The following CD2AP variants were observed in gnomAD, a reference collection of about 807,000 sequenced individuals.
The protein encoded by CD2AP is CD2 associated protein.
A neutral mutation model predicts 85.1 loss-of-function variants in CD2AP; 46 were observed. The observed-to-expected ratio is 0.54, with a 90% CI of 0.43 to 0.69. The LOEUF is 0.69. Ranked by LOEUF, CD2AP falls within the 30% of genes least tolerant of loss-of-function variation. The pLI is 0.00. For missense variants in CD2AP, 769 were observed against 729.5 expected (o/e 1.05, Z -0.62); for synonymous variants, 255 against 252.9 (o/e 1.01, Z -0.08).
At chr6:47,523,766 C>T (rs907217040) in intron 2 of CD2AP, among the ~76,000 whole-genome samples, 2 of 152,096 alleles carry the variant, frequency 1.3e-5, no homozygotes, top group Admixed American at 1.3e-4. Context: ...AGTGTACTCG[C>T]ATAGCATATG....
chr6:47,533,693 G>A lies in CD2AP; in HGVS notation c.257G>A (p.Ser86Asn). 6.2e-7 allele frequency: 1 copy of A among 1,614,070 alleles called. No homozygotes were observed. The highest frequency in any genetic ancestry group is 8.5e-7 in the Non-Finnish European group (1 of 1,179,994). The change falls in exon 3 of 18, where the codon AGC becomes AAC. Residue 86 changes from serine (S) to asparagine (N), a missense_variant. Coordinates refer to ENST00000359314, the MANE Select transcript of CD2AP (RefSeq NM_012120.3). ...GTAGCAAGTCTTGTACAACGAATAA[G>A]CACCTATGGACTTCCAGCTGGAGGA... ...GNVASLVQRI[S>N]TYGLPAGGIQ...
In CD2AP at chr6:47,627,094, C is replaced by T. The variant is rs1462118149; in HGVS notation, c.*2867C>T. 1 of 152,324 alleles carries T rather than the reference C, an allele frequency of 6.6e-6. No individual in the cohort carries two copies. Among genetic ancestry groups the T allele is most frequent in the African/African-American group, 2.4e-5 (1 of 41,418 alleles). 9.4% of individuals were successfully genotyped at this position (152,324 alleles called of 1,614,324 possible). On this transcript the variant is annotated 3_prime_UTR_variant, in exon 18 of 18. Transcript: ENST00000359314. ...TGTTTACAGGTGCTGTATTTAAAAG[C>T]ATGCTTCTCTCTCAAAAAGAAAAAT...
rs535059637 is a variant in CD2AP, at chr6:47,520,091, A to AT, written c.166-13499dup. Among the ~76,000 whole-genome samples, 855 of 145,746 alleles carry AT rather than the reference A, an allele frequency of 5.9e-3. 3 individuals carry two copies. Among genetic ancestry groups the AT allele is most frequent in the South Asian group, 0.016 (73 of 4,630 alleles). ...TTTAGAAAAATGACCTGTGGAAATG[A>AT]TTTTTTTTTTTTGTTGAGTCCTTTG... On this transcript the variant is annotated intron_variant, in intron 2 of 17. Coordinates refer to ENST00000359314, the MANE Select transcript of CD2AP (RefSeq NM_012120.3).
At chr6:47,535,272 G>A (rs1767003889) in intron 3 of CD2AP, among the ~76,000 whole-genome samples, 1 of 152,176 alleles carries the variant, frequency 6.6e-6, no homozygotes, top group Non-Finnish European at 1.5e-5. Context: ...TGGGTTAATA[G>A]TTAATGAATA....
chr6:47,606,678 T>C (rs1027406928), intron 14 of CD2AP, among the ~76,000 whole-genome samples: 2 of 152,064 alleles, frequency 1.3e-5, no homozygotes, highest in African/African-American at 4.8e-5. Context: ...ATTTTTAAAA[T>C]TAACTTCAGC....
At chr6:47,513,002 TTAG>T (rs200813397) in intron 2 of CD2AP, among the ~76,000 whole-genome samples, 1,678 of 152,330 alleles carry the variant, frequency 0.011, 26 homozygotes, top group Non-Finnish European at 0.016. Context: ...TTATAGGTAA[TTAG>T]TAGAGAGAAA....
Position 47,627,219 on chromosome 6 carries a change from A to G in CD2AP, c.*2992A>G, listed in dbSNP as rs574127575. On this transcript the variant is annotated 3_prime_UTR_variant, in exon 18 of 18. Transcript: ENST00000359314. Reference sequence around the variant, plus strand: ...AGTATGATGAAAATTATATTACTTCAATTTCCAAATACAAGAATAAATAGT... The same window carrying G: ...AGTATGATGAAAATTATATTACTTCGATTTCCAAATACAAGAATAAATAGT... 14 of 152,416 alleles carry G rather than the reference A, an allele frequency of 9.2e-5. No homozygotes were observed. The highest frequency in any genetic ancestry group is 3.4e-3 in the Middle Eastern group (1 of 294). The allele number at this position is 152,416 out of a possible 1,614,324, so 9.4% of individuals were successfully genotyped here. A position where few individuals can be genotyped will look rare whatever the true frequency, so the allele number is the denominator to read the frequency against.
At chr6:47,484,085 T>C (rs1765509733) in intron 1 of CD2AP, among the ~76,000 whole-genome samples, 1 of 152,162 alleles carries the variant, frequency 6.6e-6, no homozygotes, top group South Asian at 2.1e-4. Context: ...TTTTTGGTAA[T>C]GTGTACCTGT....
In CD2AP at chr6:47,624,321, T is replaced by A; in HGVS notation, c.*94T>A. 2.1e-6 allele frequency: 2 copies of A among 951,618 alleles called. No individual in the cohort carries two copies. The highest frequency in any genetic ancestry group is 4.8e-5 in the East Asian group (2 of 41,312). The allele number at this position is 951,618 out of a possible 1,614,324, so 58.9% of individuals were successfully genotyped here. A position where few individuals can be genotyped will look rare whatever the true frequency, so the allele number is the denominator to read the frequency against. ...GTTACTTAAAAATTGTGAATTCTGTTGTTGTGATAAATATGAGCAAATGAA... is the reference window on the plus strand; with the variant it reads ...GTTACTTAAAAATTGTGAATTCTGTAGTTGTGATAAATATGAGCAAATGAA... On this transcript the variant is annotated 3_prime_UTR_variant, in exon 18 of 18. Transcript: ENST00000359314.
At chr6:47,599,189 A>G (rs1769036476) in intron 12 of CD2AP, 112 bp from the exon 13 acceptor site, 1 of 855,766 alleles carries the variant, frequency 1.2e-6, no homozygotes. Context: ...GGTTTTACAG[A>G]ACAGAAAGTA....
Position 47,609,306 on chromosome 6 carries a change from T to A in CD2AP, c.1814+2T>A. 1 of 1,609,246 alleles carries A rather than the reference T, an allele frequency of 6.2e-7. No individual in the cohort carries two copies. The highest frequency in any genetic ancestry group is 1.3e-5 in the African/African-American group (1 of 74,848). ...AGAAGCACTGAAAAAGGATCACGGG[T>A]AAGTAGCCCTTCTTTTCTCCTGTGA... is the stretch of plus-strand genomic sequence containing the variant. On this transcript the variant is annotated splice_donor_variant, in intron 16 of 17. Transcript: ENST00000359314. LOFTEE classifies it high-confidence loss of function.
intron 4 of CD2AP, among the ~76,000 whole-genome samples, chr6:47,545,885 C>T (rs1448878045): frequency 6.6e-6 from 1 of 152,142 alleles, no homozygotes; most frequent in South Asian, 2.1e-4. Flanking sequence ...TTCCCTCTGA[C>T]AGAGCCTACC....
chr6:47,520,894 A>G (rs751384185), intron 2 of CD2AP, among the ~76,000 whole-genome samples: 2 of 151,788 alleles, frequency 1.3e-5, no homozygotes, highest in African/African-American at 2.4e-5. Context: ...CTCTGCTTGC[A>G]TTGGCATTTC....
intron 5 of CD2AP, among the ~76,000 whole-genome samples, chr6:47,560,221 C>G (rs1342544928): frequency 3.3e-5 from 5 of 152,110 alleles, no homozygotes; most frequent in Non-Finnish European, 7.4e-5. Context: ...ATCTAGATAT[C>G]TGTATTTTAT....
rs1385583885 is a variant in CD2AP at position 47,609,928 on chromosome 6, A to G, written c.1814+624A>G. The stretch of plus-strand genomic sequence containing the variant: ...ATTTTGGATCTGGTTGTGTATCTAT[A>G]CATATAGTTAACTTAGTTTTCAGAG... On this transcript the variant is annotated intron_variant, in intron 16 of 17. Coordinates refer to ENST00000359314, the MANE Select transcript of CD2AP (RefSeq NM_012120.3). Among the ~76,000 whole-genome samples the G allele has an allele frequency of 2.6e-5, 4 of 152,276 alleles. No homozygotes were observed. The East Asian group carries it at 7.7e-4, about 29-fold the overall frequency.
In CD2AP at chr6:47,517,616, C is replaced by T. The variant is rs114991042; in HGVS notation, c.165+14176C>T. Reference sequence around the variant, plus strand: ...TAAACCTCTTTTTAAAATAAATTACCCAGCCTCAGATACTTCTTTATAACA... The same window carrying T: ...TAAACCTCTTTTTAAAATAAATTACTCAGCCTCAGATACTTCTTTATAACA... On this transcript the variant is annotated intron_variant, in intron 2 of 17. Coordinates refer to ENST00000359314, the MANE Select transcript of CD2AP (RefSeq NM_012120.3). 2.4e-3 allele frequency among the ~76,000 whole-genome samples: 370 copies of T among 152,146 alleles called. 1 individual carries two copies. Among genetic ancestry groups the T allele is most frequent in the African/African-American group, 8.3e-3 (346 of 41,534 alleles).
chr6:47,599,213 C>CA, intron 12 of CD2AP, 88 bp from the exon 13 acceptor site: 1 of 1,057,938 alleles, frequency 9.5e-7, no homozygotes, highest in Non-Finnish European at 1.5e-6. Flanking sequence ...GGTATTAGGC[C>CA]ATACAATCTT....
chr6:47,573,881 T>C (rs1768226529), intron 5 of CD2AP, among the ~76,000 whole-genome samples, 183 bp from the exon 6 acceptor site: 1 of 152,172 alleles, frequency 6.6e-6, no homozygotes, highest in Non-Finnish European at 1.5e-5. Context: ...TTTTGCACAA[T>C]AAAAAAGTCT....
chr6:47,565,345 A>G (rs952729952), intron 5 of CD2AP, among the ~76,000 whole-genome samples: 1 of 152,172 alleles, frequency 6.6e-6, no homozygotes, highest in African/African-American at 2.4e-5. Context: ...TTTGTCAAAT[A>G]TACTTAACCC....
Sources: gnomAD v4.1 joint callset for allele counts (sites outside exome capture counted in the v4.1 genomes callset) on GRCh38, gnomAD v4.1.1 for gene constraint, MANE v1.5 for transcripts, NCBI Gene and HGNC (gene_info 2026-07-23, HGNC 2026-07-21) for gene names.